EPAS1: variants seen among roughly 807,000 people sequenced by gnomAD.
EPAS1 encodes the protein endothelial PAS domain protein 1, also known as endothelial PAS domain-containing protein 1.
A neutral mutation model predicts 87.9 loss-of-function variants in EPAS1; 23 were observed. The ratio of observed to expected loss-of-function variants is 0.26; its 90% confidence interval spans 0.19 to 0.37. EPAS1 has a LOEUF of 0.37. Among genes scored for constraint, EPAS1 ranks in the 10% least tolerant of loss-of-function variants. The pLI is 1.00. For missense variants in EPAS1, 1,138 were observed against 1,120.7 expected, an observed-to-expected ratio of 1.02 and a Z score of -0.22; for synonymous variants, 508 against 444.3, an observed-to-expected ratio of 1.14 and a Z score of -1.80.
chr2:46,325,392 G>A (rs1395695923), intron 1 of EPAS1, among the ~76,000 whole-genome samples: 1 of 152,196 alleles, frequency 6.6e-6, no homozygotes, highest in Non-Finnish European at 1.5e-5. Context: ...ATTTCCTTGA[G>A]GCTGAGGGAC....
chr2:46,327,106 A>C (rs1435333729), intron 1 of EPAS1, among the ~76,000 whole-genome samples: 1 of 152,186 alleles, frequency 6.6e-6, no homozygotes, highest in Admixed American at 6.5e-5. Flanking sequence ...GTGACTTACA[A>C]CCTCCAGGTC....
chr2:46,350,629 C>G (rs924082801), intron 2 of EPAS1, among the ~76,000 whole-genome samples: 1 of 152,226 alleles, frequency 6.6e-6, no homozygotes, highest in African/African-American at 2.4e-5. Context: ...AATCCTCTTT[C>G]AAGATGAGCC....
intron 2 of EPAS1, among the ~76,000 whole-genome samples, chr2:46,348,320 A>G (rs1036813478): frequency 1.3e-5 from 2 of 152,198 alleles, no homozygotes; most frequent in Non-Finnish European, 2.9e-5. Flanking sequence ...AGATGCTGCA[A>G]AGAGAGAACA....
Position 46,371,938 on chromosome 2 carries a change from GA to G in EPAS1, c.886+2014del, listed in dbSNP as rs200537042. On this transcript the variant is annotated intron_variant, in intron 7 of 15. Transcript: ENST00000263734. This position sits in a 1 kb window ranked among gnomAD's most constrained non-coding sequence, Gnocchi z 4.3. ...AAAGCAGAAGAAGCTACTGTCAAAGGAAAAAAAAATTGTGACTTCTGACTAG... is the reference window on the plus strand; with the variant it reads ...AAAGCAGAAGAAGCTACTGTCAAAGGAAAAAAAATTGTGACTTCTGACTAG... 4.7e-4 allele frequency among the ~76,000 whole-genome samples: 71 copies of G among 151,040 alleles called. No individual in the cohort carries two copies. The highest frequency in any genetic ancestry group is 3.2e-3 in the Admixed American group (48 of 15,212).
At chr2:46,369,733 G>C (rs1363041650) in intron 6 of EPAS1, 94 bp from the exon 7 acceptor site, 7 of 840,158 alleles carry the variant, frequency 8.3e-6, no homozygotes, top group Non-Finnish European at 1.4e-5. Context: ...GCATGTGTGT[G>C]TTTGATTTGC....
At chr2:46,350,871 C>T (rs958436595) in intron 2 of EPAS1, among the ~76,000 whole-genome samples, 6 of 152,198 alleles carry the variant, frequency 3.9e-5, no homozygotes, top group Non-Finnish European at 4.4e-5. Context: ...GCGAAGACAT[C>T]AGTTATAACA....
chr2:46,384,382 A>C lies in EPAS1; in HGVS notation c.2462-127A>C. ...CCGGGCATGCAGCAGGCCGTGGGAC[A>C]GACACCACTGAAGGAGCAGAGTGAA... On this transcript the variant is annotated intron_variant, in intron 15 of 15. Transcript: ENST00000263734. The C allele has an allele frequency of 3.0e-6, 4 of 1,345,012 alleles. No individual in the cohort carries two copies. In the South Asian group the frequency reaches 4.7e-5, roughly 16 times the overall value. 83.3% of individuals were successfully genotyped at this position (1,345,012 alleles called of 1,614,324 possible). A position where few individuals can be genotyped will look rare whatever the true frequency, so the allele number is the denominator to read the frequency against.
In EPAS1 at chr2:46,332,975, G is replaced by A. The variant is rs543418024; in HGVS notation, c.27-13898G>A. On this transcript the variant is annotated intron_variant, in intron 1 of 15. Coordinates refer to ENST00000263734, the MANE Select transcript of EPAS1 (RefSeq NM_001430.5). ...CGGACTTGTTCACCTGTGTCAGTGA[G>A]AGCTGACTAGCAGCTGGCTCACGAA... Among the ~76,000 whole-genome samples the A allele has an allele frequency of 2.1e-4, 32 of 152,324 alleles. No homozygotes were observed. In the East Asian group the frequency reaches 4.4e-3, roughly 21 times the overall value.
Position 46,356,142 on chromosome 2 carries a change from CCTT to C in EPAS1, c.218-8_218-6del. 2.2e-6 allele frequency: 3 copies of C among 1,374,640 alleles called. No individual in the cohort carries two copies. The highest frequency in any genetic ancestry group is 3.1e-6 in the Non-Finnish European group (3 of 969,858). The allele number at this position is 1,374,640 out of a possible 1,614,324, so 85.2% of individuals were successfully genotyped here. On this transcript the variant is annotated splice_polypyrimidine_tract_variant and splice_region_variant and intron_variant, in intron 2 of 15. Transcript: ENST00000263734. ...TCATGCAAGCTGTCCCACCCCCCCCCCTTTCCAGTTTGCTCTGAAAACGAGTCC... is the reference window on the plus strand; with the variant it reads ...TCATGCAAGCTGTCCCACCCCCCCCCTCCAGTTTGCTCTGAAAACGAGTCC...
At chr2:46,350,399 G>A (rs895104955) in intron 2 of EPAS1, among the ~76,000 whole-genome samples, 2 of 152,176 alleles carry the variant, frequency 1.3e-5, no homozygotes, top group Non-Finnish European at 2.9e-5. Context: ...TTAGTAACAC[G>A]TTTCCCTTTG....
intron 1 of EPAS1, among the ~76,000 whole-genome samples, chr2:46,315,484 C>G (rs1265407583): frequency 6.6e-6 from 1 of 152,214 alleles, no homozygotes. Flanking sequence ...TGGCTGCCCA[C>G]TGGCCAGAGA....
At chr2:46,354,747 T>G (rs1327475075) in intron 2 of EPAS1, among the ~76,000 whole-genome samples, 1 of 152,106 alleles carries the variant, frequency 6.6e-6, no homozygotes, top group African/African-American at 2.4e-5. Context: ...AGCAGTGCTT[T>G]GAGATGCACT....
intron 1 of EPAS1, among the ~76,000 whole-genome samples, chr2:46,312,534 A>T (rs1369790216): frequency 2.0e-5 from 3 of 152,222 alleles, no homozygotes; most frequent in African/African-American, 7.2e-5. Flanking sequence ...TTTAAAGGGC[A>T]GACCTTCAAG....
intron 1 of EPAS1, among the ~76,000 whole-genome samples, chr2:46,309,731 G>C (rs1683175172): frequency 6.6e-6 from 1 of 152,190 alleles, no homozygotes. Context: ...TTCCAGGGCT[G>C]GATCTGGAGC....
intron 1 of EPAS1, among the ~76,000 whole-genome samples, chr2:46,318,637 C>A (rs1215330319): frequency 1.3e-5 from 2 of 152,156 alleles, no homozygotes; most frequent in Non-Finnish European, 1.5e-5. Flanking sequence ...TGTACCCTAA[C>A]CTCTTCTTTC....
chr2:46,302,637 G>T (rs1473299856), intron 1 of EPAS1, among the ~76,000 whole-genome samples: 2 of 147,744 alleles, frequency 1.4e-5, no homozygotes, highest in Non-Finnish European at 3.0e-5. Context: ...TGACAAACTT[G>T]TATTCAACAC....
In EPAS1 at chr2:46,382,456, G is replaced by C. The variant is rs768065581; in HGVS notation, c.2319G>C (p.Leu773=). 6.2e-7 allele frequency: 1 copy of C among 1,614,130 alleles called. No homozygotes were observed. Among genetic ancestry groups the C allele is most frequent in the South Asian group, 1.1e-5 (1 of 91,072 alleles). ...TCACCCAAAACCCCATGAGGGGCCT[G>C]GGCCATCCCCTGAGACATCTGCCGC... is the stretch of plus-strand genomic sequence containing the variant. ...DKFTQNPMRG[L]GHPLRHLPLP... Residue 773 remains leucine, a synonymous_variant, in exon 15 of 16, where the codon CTG becomes CTC. Coordinates refer to ENST00000263734, the MANE Select transcript of EPAS1 (RefSeq NM_001430.5).
chr2:46,384,490 G>A lies in EPAS1; in HGVS notation c.2462-19G>A, dbSNP rs1286114412. ...GTTCGATTTAGGCCTTTAAGTTATGGTACCAACCCTTCTTTCAGGCATGGC... is the reference window on the plus strand; with the variant it reads ...GTTCGATTTAGGCCTTTAAGTTATGATACCAACCCTTCTTTCAGGCATGGC... On this transcript the variant is annotated intron_variant, in intron 15 of 15. Transcript: ENST00000263734. 11 of 1,614,080 alleles carry A rather than the reference G, an allele frequency of 6.8e-6. No individual in the cohort carries two copies. The highest frequency in any genetic ancestry group is 1.3e-5 in the African/African-American group (1 of 74,920).
Position 46,347,162 on chromosome 2 carries a change from C to G in EPAS1, c.217+99C>G, listed in dbSNP as rs540628796. Reference sequence around the variant, plus strand: ...TCTGCTGCCAGAGCTGGAAAGTCACCCCACTACAGAACTTTCACCCACAGA... The same window carrying G: ...TCTGCTGCCAGAGCTGGAAAGTCACGCCACTACAGAACTTTCACCCACAGA... On this transcript the variant is annotated intron_variant, in intron 2 of 15. Coordinates refer to ENST00000263734, the MANE Select transcript of EPAS1 (RefSeq NM_001430.5). The surrounding 1 kb of genome is among the most constrained non-coding windows in gnomAD (Gnocchi z 4.2). The G allele has an allele frequency of 1.5e-5, 21 of 1,364,200 alleles. No individual in the cohort carries two copies. Among genetic ancestry groups the G allele is most frequent in the Non-Finnish European group, 2.2e-5 (21 of 957,614 alleles). The allele number at this position is 1,364,200 out of a possible 1,614,324, so 84.5% of individuals were successfully genotyped here.
Sources: allele counts gnomAD v4.1 joint callset (sites outside exome capture counted in the v4.1 genomes callset), GRCh38; gene constraint gnomAD v4.1.1; non-coding constraint Gnocchi (gnomAD v3.1); transcripts MANE v1.5; gene names NCBI Gene and HGNC (gene_info 2026-07-23, HGNC 2026-07-21).